Variants in IPO11 observed in about 807,000 individuals in gnomAD.
The protein encoded by IPO11 is importin-11.
Under a neutral mutation model 143.2 loss-of-function variants are expected in IPO11, and 66 were observed. The ratio of observed to expected loss-of-function variants is 0.46; its 90% CI spans 0.38 to 0.57. IPO11 has a LOEUF of 0.57. IPO11 is among the 20% of genes least tolerant of loss of function. IPO11 has a pLI of 0.00. For synonymous variants in IPO11, 385 were observed against 377.8 expected (o/e 1.02, Z -0.22); for missense variants, 1,026 against 1,141.0 (o/e 0.90, Z 1.45).
rs79355007 is a variant in IPO11, at chr5:62,611,680, T to C, written c.2763+9832T>C. On this transcript the variant is annotated intron_variant, in intron 29 of 29. Transcript: ENST00000325324. ...CTTTGCCCCTGTTCACTTGGAAACG[T>C]TGGCAACATGGTATTGGCTCAAGGT... 4.4e-3 allele frequency among the ~76,000 whole-genome samples: 668 copies of C among 152,316 alleles called. 7 individuals are homozygous for C. Among genetic ancestry groups the C allele is most frequent in the African/African-American group, 0.015 (644 of 41,572 alleles).
In IPO11 at chr5:62,441,590, A is replaced by G. The variant is rs1372635949; in HGVS notation, c.139-1393A>G. 6.0e-5 allele frequency among the ~76,000 whole-genome samples: 8 copies of G among 132,552 alleles called. No individual in the cohort carries two copies. The Admixed American group carries it at 6.5e-4, about 11-fold the overall frequency. 87.0% of individuals were successfully genotyped at this position (132,552 alleles called of 152,430 possible). A position where few individuals can be genotyped will look rare whatever the true frequency, so the allele number is the denominator to read the frequency against. On this transcript the variant is annotated intron_variant, in intron 2 of 29. Transcript: ENST00000325324. ...GAGTGCAGTGGTGCGATCTCTGCTC[A>G]CTGCAACCTCCGCCTCCTGGGTTCA... is the stretch of plus-strand genomic sequence containing the variant.
chr5:62,480,113 T>C (rs1433555350), intron 9 of IPO11, among the ~76,000 whole-genome samples: 2 of 152,240 alleles, frequency 1.3e-5, no homozygotes, highest in African/African-American at 4.8e-5. Flanking sequence ...AATTAATTTT[T>C]GTATAAGGTG....
At chr5:62,435,439 TAAAA>T (rs1744186694) in intron 1 of IPO11, among the ~76,000 whole-genome samples, 1 of 142,130 alleles carries the variant, frequency 7.0e-6, no homozygotes, top group Non-Finnish European at 1.5e-5. Context: ...AAATAAAAAA[TAAAA>T]AAAAATTAGC....
At chr5:62,491,175 C>T (rs1746596358) in intron 15 of IPO11, among the ~76,000 whole-genome samples, 1 of 152,098 alleles carries the variant, frequency 6.6e-6, no homozygotes, top group Non-Finnish European at 1.5e-5. Flanking sequence ...TATTTGTTGA[C>T]TAAACTAATG....
At chr5:62,464,339 C>T (rs991218971) in intron 5 of IPO11, among the ~76,000 whole-genome samples, 1 of 151,644 alleles carries the variant, frequency 6.6e-6, no homozygotes, top group African/African-American at 2.4e-5. Flanking sequence ...CAGTGTTTCA[C>T]GATGTTGGCC....
At chr5:62,448,373 G>C (rs1422331318) in intron 3 of IPO11, among the ~76,000 whole-genome samples, 1 of 152,126 alleles carries the variant, frequency 6.6e-6, no homozygotes, top group Non-Finnish European at 1.5e-5. Context: ...CATTGAATCT[G>C]CTTCATTGAT....
At chr5:62,529,609 A>G (rs1391675745) in intron 21 of IPO11, among the ~76,000 whole-genome samples, 3 of 152,192 alleles carry the variant, frequency 2.0e-5, no homozygotes, top group African/African-American at 7.2e-5. Context: ...TTTTTGTGAT[A>G]TATAACAATC....
chr5:62,606,574 C>T (rs554712483), intron 29 of IPO11, among the ~76,000 whole-genome samples: 9 of 149,072 alleles, frequency 6.0e-5, no homozygotes, highest in Non-Finnish European at 1.0e-4. Context: ...CGGTGGCTCA[C>T]GCCTGTAATC....
intron 1 of IPO11, among the ~76,000 whole-genome samples, chr5:62,420,232 A>G (rs1217034079): frequency 6.6e-6 from 1 of 150,984 alleles, no homozygotes; most frequent in Non-Finnish European, 1.5e-5. Flanking sequence ...TGGAGGTTTC[A>G]GTGAGCCAAG....
At position 62,627,872 on chromosome 5, in the gene IPO11, G is replaced by A. The variant is rs902738795; in HGVS notation, c.*554G>A. 1 of 152,514 alleles carries A rather than the reference G, an allele frequency of 6.6e-6. No individual in the cohort carries two copies. The highest frequency in any genetic ancestry group is 2.1e-4 in the South Asian group (1 of 4,828). The allele number at this position is 152,514 out of a possible 1,614,324, so 9.4% of individuals were successfully genotyped here. On this transcript the variant is annotated 3_prime_UTR_variant, in exon 30 of 30. Transcript: ENST00000325324. The stretch of plus-strand genomic sequence containing the variant: ...GAGTTATTTTCATCTAACATAGAAA[G>A]TGTGTTTTATCAGACAAATGCTTTT...
intron 16 of IPO11, among the ~76,000 whole-genome samples, chr5:62,500,460 TTAAG>T (rs1385742327): frequency 6.6e-6 from 1 of 152,230 alleles, no homozygotes; most frequent in African/African-American, 2.4e-5. Context: ...ATTTTCATTA[TTAAG>T]TATTATATAC....
At chr5:62,441,915 G>A (rs1420024956) in intron 2 of IPO11, among the ~76,000 whole-genome samples, 1 of 150,350 alleles carries the variant, frequency 6.7e-6, no homozygotes, top group East Asian at 2.0e-4. Context: ...GCGCGATCTC[G>A]GCTTACTGCA....
At chr5:62,438,525 G>A (rs894823539) in intron 2 of IPO11, among the ~76,000 whole-genome samples, 1 of 152,146 alleles carries the variant, frequency 6.6e-6, no homozygotes, top group Non-Finnish European at 1.5e-5. Flanking sequence ...GGCCAAGGCG[G>A]GTGGATCACC....
chr5:62,560,147 G>A (rs1743725941), intron 26 of IPO11, among the ~76,000 whole-genome samples: 1 of 152,084 alleles, frequency 6.6e-6, no homozygotes, highest in East Asian at 1.9e-4. Flanking sequence ...GTAAAGTCAA[G>A]ATTGCTTTGT....
chr5:62,491,954 C>T (rs918241076), intron 15 of IPO11, among the ~76,000 whole-genome samples: 26 of 151,998 alleles, frequency 1.7e-4, no homozygotes, highest in African/African-American at 5.6e-4. Flanking sequence ...TGTTTCTTTT[C>T]TCTTATAATG....
At chr5:62,447,653 A>G (rs772093079) in intron 3 of IPO11, among the ~76,000 whole-genome samples, 9 of 151,214 alleles carry the variant, frequency 6.0e-5, no homozygotes, top group Non-Finnish European at 1.3e-4. Context: ...TGGTGCCATC[A>G]TGGCTCACTG....
Position 62,601,788 on chromosome 5 carries a change from G to T in IPO11, c.2703G>T (p.Glu901Asp). The change falls in exon 29 of 30, where the codon GAG (glutamate) becomes GAT (aspartate). Residue 901 changes from glutamate (E) to aspartate (D), a missense_variant. Glu to Asp is a conservative substitution (Grantham distance 45). This residue lies in a region of IPO11 where 351 missense variants were observed against 358.9 expected (regional missense o/e 0.98). Transcript: ENST00000325324. ...GCTGTATGTTGATGTCTCATCTTGA[G>T]GAACCAAAAGTAACAGAAGATGAAG... ...YKDCMLMSHL[E>D]EPKVTEDEEP... The T allele has an allele frequency of 6.3e-7, 1 of 1,588,786 alleles. No individual in the cohort carries two copies. Among genetic ancestry groups the T allele is most frequent in the Non-Finnish European group, 8.6e-7 (1 of 1,167,172 alleles).
rs548834712 is a variant in IPO11, at chr5:62,610,726, T to C, written c.2763+8878T>C. Among the ~76,000 whole-genome samples, 89 of 152,314 alleles carry C rather than the reference T, an allele frequency of 5.8e-4. 1 individual carries two copies. The highest frequency in any genetic ancestry group is 1.9e-3 in the African/African-American group (80 of 41,584). On this transcript the variant is annotated intron_variant, in intron 29 of 29. Transcript: ENST00000325324. ...CCTGCTACCATTGCACAACTAAATA[T>C]ATAATGGCAATAGAACTAGCATCTT... is the stretch of plus-strand genomic sequence containing the variant.
chr5:62,467,016 ATC>A, intron 5 of IPO11, 113 bp from the exon 6 acceptor site: 2 of 927,160 alleles, frequency 2.2e-6, no homozygotes, highest in Non-Finnish European at 3.1e-6. Context: ...ACTATTTCAG[ATC>A]TCTCAGAAAA....
Sources: allele counts gnomAD v4.1 joint callset (sites outside exome capture counted in the v4.1 genomes callset), GRCh38; gene constraint gnomAD v4.1.1; regional missense constraint gnomAD v4.1.1; transcripts MANE v1.5; gene names NCBI Gene and HGNC (gene_info 2026-07-23, HGNC 2026-07-21).